IL1RL1: variants seen among roughly 807,000 people sequenced by gnomAD.
IL1RL1 encodes the protein interleukin-1 receptor-like 1.
A neutral mutation model predicts 50.9 loss-of-function variants in IL1RL1; 32 were observed. The ratio of observed to expected loss-of-function variants is 0.63; its 90% CI spans 0.47 to 0.84. The LOEUF (loss-of-function observed/expected upper bound fraction) is 0.84, where lower values mean the gene tolerates loss of function less well. Ranked by LOEUF, IL1RL1 falls within the 40% of genes least tolerant of loss-of-function variation. The pLI is 0.00. For synonymous variants in IL1RL1, 275 were observed against 236.0 expected (o/e 1.17, Z -1.51); for missense variants, 773 against 662.9 (o/e 1.17, Z -1.82).
intron 5 of IL1RL1, chr2:102,341,318 T>C: frequency 8.0e-7 from 1 of 1,243,166 alleles, no homozygotes; most frequent in African/African-American, 1.6e-5. Context: ...TGGTTTTTAA[T>C]CTTTGTTTGC....
chr2:102,317,995 G>A (rs1449280369), intron 1 of IL1RL1, among the ~76,000 whole-genome samples: 1 of 152,188 alleles, frequency 6.6e-6, no homozygotes, highest in East Asian at 1.9e-4. Context: ...AAAAGTGCAC[G>A]TGTTGTGTAG....
At chr2:102,324,362 T>G (rs908896491) in intron 1 of IL1RL1, among the ~76,000 whole-genome samples, 12 of 152,184 alleles carry the variant, frequency 7.9e-5, no homozygotes. Context: ...AAATAGAATC[T>G]CGATATTGTG....
At position 102,347,947 on chromosome 2, in the gene IL1RL1, G is replaced by T; in HGVS notation, c.973G>T (p.Asp325Tyr). ...ATCTTTTTCTTTCTTTTGAATAGTT[G>T]ATCATCATAGCATCTACTGCATAAT... ...TVRLSRKNPIDHHSIYCIIAV... is the reference protein window; with the variant it reads ...TVRLSRKNPIYHHSIYCIIAV... The change falls in exon 9 of 11, where the codon GAT becomes TAT. Residue 325 changes from aspartate to tyrosine, a missense_variant and splice_region_variant. Physicochemically the swap from Asp to Tyr is radical, Grantham distance 160 (BLOSUM62 -3). Coordinates refer to ENST00000233954, the MANE Select transcript of IL1RL1 (RefSeq NM_016232.5). 1 of 1,488,052 alleles carries T rather than the reference G, an allele frequency of 6.7e-7. No homozygotes were observed. Among genetic ancestry groups the T allele is most frequent in the South Asian group, 1.1e-5 (1 of 87,482 alleles). 92.2% of individuals were successfully genotyped at this position (1,488,052 alleles called of 1,614,324 possible). A position where few individuals can be genotyped will look rare whatever the true frequency, so the allele number is the denominator to read the frequency against.
intron 1 of IL1RL1, among the ~76,000 whole-genome samples, chr2:102,318,819 A>G (rs1159542460): frequency 6.6e-6 from 1 of 152,196 alleles, no homozygotes; most frequent in East Asian, 1.9e-4. Flanking sequence ...GGGAAGACGC[A>G]GGACTGAGGA....
intron 5 of IL1RL1, chr2:102,341,078 G>T: frequency 1.4e-6 from 1 of 711,402 alleles, no homozygotes; most frequent in East Asian, 5.0e-5. Flanking sequence ...CTTTTTTTGT[G>T]ACTTAATTTT....
rs746779346 is a variant in IL1RL1 at position 102,351,739 on chromosome 2, C to T, written c.1489C>T (p.Gln497Ter). Residue 497 changes from glutamine (Q) to a stop codon, truncating the protein, a stop_gained, in exon 11 of 11, where the codon CAG becomes TAG. Transcript: ENST00000233954. LOFTEE classifies it low-confidence loss of function (END_TRUNC). The part of the protein sequence containing the change: ...ELDMLQAEAL[Q>*]DSLQHLMKVQ... Reference sequence around the variant, plus strand: ...GGACATGCTGCAGGCTGAGGCGCTTCAGGACTCCCTCCAGCATCTTATGAA... The same window carrying T: ...GGACATGCTGCAGGCTGAGGCGCTTTAGGACTCCCTCCAGCATCTTATGAA... 2 of 1,614,036 alleles carry T rather than the reference C, an allele frequency of 1.2e-6. No individual in the cohort carries two copies. Among genetic ancestry groups the T allele is most frequent in the South Asian group, 1.1e-5 (1 of 91,072 alleles).
At chr2:102,316,345 T>C (rs559782754) in intron 1 of IL1RL1, among the ~76,000 whole-genome samples, 2 of 152,324 alleles carry the variant, frequency 1.3e-5, no homozygotes, top group African/African-American at 4.8e-5. Flanking sequence ...AATCTTTATC[T>C]TATTTCCCGA....
intron 1 of IL1RL1, among the ~76,000 whole-genome samples, chr2:102,336,428 T>C (rs1677328990): frequency 6.6e-6 from 1 of 152,216 alleles, no homozygotes; most frequent in Non-Finnish European, 1.5e-5. Flanking sequence ...AGTTAGCTAT[T>C]ATCATTATAT....
chr2:102,344,919 A>G (rs1043643268), intron 8 of IL1RL1: 42 of 969,104 alleles, frequency 4.3e-5, no homozygotes, highest in Non-Finnish European at 2.5e-6. Context: ...TATCATTATA[A>G]TTTGACACAA....
At chr2:102,327,316 G>T (rs1677038306) in intron 1 of IL1RL1, among the ~76,000 whole-genome samples, 1 of 151,694 alleles carries the variant, frequency 6.6e-6, no homozygotes, top group African/African-American at 2.4e-5. Context: ...CGAGAACAAA[G>T]ACACAACATA....
chr2:102,336,076 G>T (rs1233355709), intron 1 of IL1RL1, among the ~76,000 whole-genome samples: 1 of 152,182 alleles, frequency 6.6e-6, no homozygotes, highest in African/African-American at 2.4e-5. Context: ...TTCAAGAGTA[G>T]TCCCAGCCCC....
rs199800154 is a variant in IL1RL1 at position 102,340,147 on chromosome 2, C to A, written c.322C>A (p.Gln108Lys). 22 of 1,586,570 alleles carry A rather than the reference C, an allele frequency of 1.4e-5. No homozygotes were observed. The African/African-American group carries it at 3.0e-4, about 21-fold the overall frequency. ...GYANVTIYKK[Q>K]SDCNVPDYLM... ...TGCGAATGTCACCATATATAAAAAA[C>A]AATCAGATTGCAATGTTCCAGATTA... The change falls in exon 4 of 11, where the codon CAA becomes AAA. Residue 108 changes from glutamine (Q) to lysine (K), a missense_variant. Gln to Lys is a moderately conservative substitution (Grantham distance 53). Coordinates refer to ENST00000233954, the MANE Select transcript of IL1RL1 (RefSeq NM_016232.5).
downstream of IL1RL1, chr2:102,352,104 T>G (rs553484566): frequency 2.0e-4 from 116 of 589,036 alleles, no homozygotes; most frequent in East Asian, 3.2e-3. Flanking sequence ...GCCAGAAATT[T>G]TTCTCCTCAA....
chr2:102,314,867 A>G (rs773530004), intron 1 of IL1RL1, among the ~76,000 whole-genome samples: 14 of 152,092 alleles, frequency 9.2e-5, no homozygotes, highest in Non-Finnish European at 2.1e-4. Context: ...CCAGGGGGCT[A>G]TATGCAGTAC....
At position 102,349,264 on chromosome 2, in the gene IL1RL1, C is replaced by T; in HGVS notation, c.1285+18C>T. ...TGGAGAAGGTAAAGCTATTGACATACATTAGGGACAGAAATTCATGCTTAT... is the reference window on the plus strand; with the variant it reads ...TGGAGAAGGTAAAGCTATTGACATATATTAGGGACAGAAATTCATGCTTAT... On this transcript the variant is annotated intron_variant, in intron 10 of 10. Coordinates refer to ENST00000233954, the MANE Select transcript of IL1RL1 (RefSeq NM_016232.5). 1 of 1,604,852 alleles carries T rather than the reference C, an allele frequency of 6.2e-7. No individual in the cohort carries two copies.
chr2:102,352,073 C>T, downstream of IL1RL1: 1 of 776,914 alleles, frequency 1.3e-6, no homozygotes, highest in Non-Finnish European at 2.0e-6. Flanking sequence ...CATTTCCCTG[C>T]TTCTGGGTGG....
At position 102,351,864 on chromosome 2, in the gene IL1RL1, A is replaced by G; in HGVS notation, c.1614A>G (p.Pro538=). The stretch of plus-strand genomic sequence containing the variant: ...ACGTGAGGTACCAAATGCCTGTGCC[A>G]AGCAAAATTCCCAGAAAGGCCTCTA... The part of the protein sequence containing the change: ...WKHVRYQMPV[P]SKIPRKASSL... The change falls in exon 11 of 11, where the codon CCA becomes CCG. Residue 538 remains proline, a synonymous_variant. Transcript: ENST00000233954. 1 of 1,613,934 alleles carries G rather than the reference A, an allele frequency of 6.2e-7. No individual in the cohort carries two copies. The highest frequency in any genetic ancestry group is 8.5e-7 in the Non-Finnish European group (1 of 1,179,918).
At chr2:102,341,067 TC>T in intron 5 of IL1RL1, 2 of 720,634 alleles carry the variant, frequency 2.8e-6, no homozygotes, top group Non-Finnish European at 3.9e-6. Flanking sequence ...TGTTCTTTAT[TC>T]TTTTTTTGTG....
rs368053458 is a variant in IL1RL1 at position 102,340,814 on chromosome 2, C to T, written c.596C>T (p.Ser199Phe). Residue 199 changes from serine (S) to phenylalanine (F), a missense_variant, in exon 5 of 11, where the codon TCC becomes TTC. Transcript: ENST00000233954. ...GANYSVTATR[S>F]FTVKDEQGFS... ...AATTATAGTGTGACGGCGACCAGGTCCTTCACGGTCAAGGGTAAGCTACTG... is the reference window on the plus strand; with the variant it reads ...AATTATAGTGTGACGGCGACCAGGTTCTTCACGGTCAAGGGTAAGCTACTG... The T allele has an allele frequency of 4.4e-6, 7 of 1,573,342 alleles. No homozygotes were observed. Among genetic ancestry groups the T allele is most frequent in the Non-Finnish European group, 6.0e-6 (7 of 1,167,770 alleles).
Sources: gnomAD v4.1 joint callset for allele counts (sites outside exome capture counted in the v4.1 genomes callset) on GRCh38, gnomAD v4.1.1 for gene constraint, MANE v1.5 for transcripts, NCBI Gene and HGNC (gene_info 2026-07-23, HGNC 2026-07-21) for gene names.